The following MKI67 variants were observed in gnomAD, a reference collection of about 807,000 sequenced individuals.
MKI67 encodes proliferation marker protein Ki-67.
In MKI67, 152 loss-of-function variants were observed where a neutral mutation model predicts 233.5. That is an observed-to-expected ratio of 0.65 (90% CI 0.57 to 0.74). MKI67 has a LOEUF of 0.74. Ranked by LOEUF, MKI67 falls within the 30% of genes least tolerant of loss-of-function variation. The pLI is 0.00. For synonymous variants in MKI67, 1,465 were observed against 1,418.5 expected (o/e 1.03, Z -0.74); for missense variants, 3,940 against 3,885.2 (o/e 1.01, Z -0.37).
intron 4 of MKI67, among the ~76,000 whole-genome samples, chr10:128,121,313 C>T (rs893719283): frequency 3.4e-5 from 5 of 147,030 alleles, no homozygotes; most frequent in Admixed American, 2.8e-4. Context: ...TTGAATCTAA[C>T]GGGAGTGTGT....
At position 128,115,527 on chromosome 10, in the gene MKI67, G is replaced by T. The variant is rs1852783253; in HGVS notation, c.881C>A (p.Pro294Gln). Residue 294 changes from proline (P) to glutamine (Q), a missense_variant, in exon 7 of 15, where the codon CCA becomes CAA. Coordinates refer to ENST00000368654, the MANE Select transcript of MKI67 (RefSeq NM_002417.5). ...TQLLVSRKSR[P>Q]KSGGSGHAVA... ...AGCGTGGCCGCTCCCACCAGATTTTGGTCTTGACTTACGCGAGACCAACAG... is the reference window on the plus strand; with the variant it reads ...AGCGTGGCCGCTCCCACCAGATTTTTGTCTTGACTTACGCGAGACCAACAG... The T allele has an allele frequency of 6.2e-7, 1 of 1,614,182 alleles. No homozygotes were observed.
Position 128,102,864 on chromosome 10 carries a change from G to A in MKI67, c.8976C>T (p.Pro2992=). ...KSQSKSNTSL[P]PLPFKRGGGK... is the part of the protein sequence containing the mutation. ...CACCTCCCCTCTTGAAGGGCAGTGG[G>A]GGCAGGGAAGTGTTGCTTTTGCTTT... The change falls in exon 13 of 15, where the codon CCC becomes CCT. Residue 2992 remains proline (P), a synonymous_variant. Transcript: ENST00000368654. 1 of 1,614,152 alleles carries A rather than the reference G, an allele frequency of 6.2e-7. No homozygotes were observed. Among genetic ancestry groups the A allele is most frequent in the African/African-American group, 1.3e-5 (1 of 75,032 alleles).
Position 128,108,620 on chromosome 10 carries a change from G to A in MKI67, c.3220C>T (p.Gln1074Ter), listed in dbSNP as rs897237053. ...ACACGGGCTGCTGGGTCCAGGATCT[G>A]CTTTGGAGACTCCTTAAACGTTCTG... ...SIRTFKESPK[Q>*]ILDPAARVTG... The change falls in exon 13 of 15, where the codon CAG becomes TAG. Residue 1074 changes from glutamine to a stop codon, truncating the protein, a stop_gained. Coordinates refer to ENST00000368654, the MANE Select transcript of MKI67 (RefSeq NM_002417.5). LOFTEE classifies it high-confidence loss of function. 1.1e-5 allele frequency: 17 copies of A among 1,614,028 alleles called. No homozygotes were observed. The highest frequency in any genetic ancestry group is 1.4e-5 in the Non-Finnish European group (16 of 1,180,034).
At position 128,103,068 on chromosome 10, in the gene MKI67, G is replaced by A. The variant is rs1413585782; in HGVS notation, c.8772C>T (p.Leu2924=). 2 of 1,614,230 alleles carry A rather than the reference G, an allele frequency of 1.2e-6. No individual in the cohort carries two copies. The highest frequency in any genetic ancestry group is 2.7e-5 in the African/African-American group (2 of 75,064). ...PLEDLASFQE[L]SQTPGHTEEL... ...CCTCAGTGTGGCCTGGTGTTTGAGAGAGCTCTTGGAAGCTGGCCAGATCTT... is the reference window on the plus strand; with the variant it reads ...CCTCAGTGTGGCCTGGTGTTTGAGAAAGCTCTTGGAAGCTGGCCAGATCTT... Residue 2924 remains leucine (L), a synonymous_variant, in exon 13 of 15, where the codon CTC becomes CTT. Transcript: ENST00000368654.
rs373018735 is a variant in MKI67 at position 128,115,513 on chromosome 10, T to G, written c.895A>C (p.Ser299Arg). 1 of 1,614,108 alleles carries G rather than the reference T, an allele frequency of 6.2e-7. No homozygotes were observed. Among genetic ancestry groups the G allele is most frequent in the African/African-American group, 1.3e-5 (1 of 74,944 alleles). ...GCAGGCTCTGCCACAGCGTGGCCGCTCCCACCAGATTTTGGTCTTGACTTA... is the reference window on the plus strand; with the variant it reads ...GCAGGCTCTGCCACAGCGTGGCCGCGCCCACCAGATTTTGGTCTTGACTTA... The part of the protein sequence containing the change: ...SRKSRPKSGG[S>R]GHAVAEPASP... The change falls in exon 7 of 15, where the codon AGC (serine) becomes CGC (arginine). Residue 299 changes from serine to arginine, a missense_variant. Coordinates refer to ENST00000368654, the MANE Select transcript of MKI67 (RefSeq NM_002417.5).
chr10:128,125,619 C>G lies in MKI67; in HGVS notation c.49G>C (p.Gly17Arg), dbSNP rs1299335815. ...CTGAGGCTCAGGGGAAAGTGGGGAC[C>G]GTCGACCCCGCTCCTTTTGATAGTA... ...LVTIKRSGVDGPHFPLSLSTC... is the reference protein window; with the variant it reads ...LVTIKRSGVDRPHFPLSLSTC... Residue 17 changes from glycine (G) to arginine (R), a missense_variant, in exon 2 of 15, where the codon GGT (glycine) becomes CGT (arginine). Gly to Arg is a moderately radical substitution (Grantham distance 125). Coordinates refer to ENST00000368654, the MANE Select transcript of MKI67 (RefSeq NM_002417.5). The surrounding 1 kb of genome is among the most constrained non-coding windows in gnomAD (Gnocchi z 5.3). The G allele has an allele frequency of 3.7e-6, 6 of 1,613,590 alleles. No homozygotes were observed. Among genetic ancestry groups the G allele is most frequent in the Non-Finnish European group, 4.2e-6 (5 of 1,179,836 alleles).
In MKI67 at chr10:128,107,980, T is replaced by C; in HGVS notation, c.3860A>G (p.Asn1287Ser). The C allele has an allele frequency of 6.2e-7, 1 of 1,613,816 alleles. No homozygotes were observed. Among genetic ancestry groups the C allele is most frequent in the Middle Eastern group, 1.7e-4 (1 of 6,060 alleles). Residue 1287 changes from asparagine to serine, a missense_variant, in exon 13 of 15, where the codon AAT becomes AGT. Asn to Ser is a conservative substitution (Grantham distance 46). Coordinates refer to ENST00000368654, the MANE Select transcript of MKI67 (RefSeq NM_002417.5). ...GGCTTTGCCTGCTGATGGCATTAGA[T>C]TCCTGCACGCTAAGAGTTCTCCCTC... Reference protein sequence around the residue: ...DVEGELLACRNLMPSAGKAMH... With the variant: ...DVEGELLACRSLMPSAGKAMH...
intron 5 of MKI67, 117 bp from the exon 6 acceptor site, chr10:128,116,653 T>A (rs1852815963): frequency 3.0e-6 from 3 of 1,001,738 alleles, no homozygotes; most frequent in Non-Finnish European, 4.6e-6. Flanking sequence ...ATGCCTGTAA[T>A]CCCAGCACTT....
At position 128,102,703 on chromosome 10, in the gene MKI67, AC is replaced by A; in HGVS notation, c.9136del (p.Val3046SerfsTer3). The A allele has an allele frequency of 6.2e-7, 1 of 1,614,156 alleles. No homozygotes were observed. The highest frequency in any genetic ancestry group is 8.5e-7 in the Non-Finnish European group (1 of 1,180,022). ...RARGKSSEPV[V>X]IMKRSLRTSA... is the part of the protein sequence containing the mutation. ...AGTCCTCAAACTTCTCTTCATGATG[AC>A]CACGGGTTCGGATGATTTGCCTCTT... is the stretch of plus-strand genomic sequence containing the variant. On this transcript the variant is annotated frameshift_variant, in exon 13 of 15. Coordinates refer to ENST00000368654, the MANE Select transcript of MKI67 (RefSeq NM_002417.5). LOFTEE classifies it high-confidence loss of function.
chr10:128,117,245 G>C (rs377353304), intron 5 of MKI67, among the ~76,000 whole-genome samples: 18 of 152,232 alleles, frequency 1.2e-4, no homozygotes, highest in African/African-American at 4.3e-4. Flanking sequence ...TGCGTCATCA[G>C]TTTTCTCATA....
At position 128,115,610 on chromosome 10, in the gene MKI67, T is replaced by C; in HGVS notation, c.798A>G (p.Leu266=). ...CTTTCTCTGTTGCGTAATCAGTTTG[T>C]AATCCAGATTTTCTACAATACTGTA... The part of the protein sequence containing the change: ...NVLQYCRKSG[L]QTDYATEKES... The change falls in exon 7 of 15, where the codon TTA becomes TTG. Residue 266 remains leucine (L), a synonymous_variant. Transcript: ENST00000368654. The C allele has an allele frequency of 1.2e-6, 2 of 1,614,210 alleles. No individual in the cohort carries two copies. Among genetic ancestry groups the C allele is most frequent in the Non-Finnish European group, 1.7e-6 (2 of 1,180,022 alleles).
At chr10:128,121,330 G>C (rs902211980) in intron 4 of MKI67, among the ~76,000 whole-genome samples, 4 of 145,004 alleles carry the variant, frequency 2.8e-5, no homozygotes, top group Non-Finnish European at 3.0e-5. Context: ...GTGTGTATCT[G>C]TATATGTGTA....
At chr10:128,121,463 TATATATA>T (rs1298307900) in intron 4 of MKI67, among the ~76,000 whole-genome samples, 1 of 139,424 alleles carries the variant, frequency 7.2e-6, no homozygotes, top group African/African-American at 2.6e-5. Context: ...TACTATATGG[TATATATA>T]ATATATATTA....
rs1464740943 is a variant in MKI67, at chr10:128,103,444, T to C, written c.8396A>G (p.Asp2799Gly). ...APRESAQAIE[D>G]LAGFKDPAAG... ...TGCTGGGTCTTTGAAGCCAGCTAGG[T>C]CTTCTATGGCTTGGGCACTTTCCCT... The change falls in exon 13 of 15, where the codon GAC becomes GGC. Residue 2799 changes from aspartate to glycine, a missense_variant. Coordinates refer to ENST00000368654, the MANE Select transcript of MKI67 (RefSeq NM_002417.5). 13 of 1,613,666 alleles carry C rather than the reference T, an allele frequency of 8.1e-6. No homozygotes were observed. The highest frequency in any genetic ancestry group is 1.1e-5 in the Non-Finnish European group (13 of 1,179,926).
rs61729210 is a variant in MKI67 at position 128,115,760 on chromosome 10, T to A, written c.648A>T (p.Gly216=). 6.3e-5 allele frequency: 101 copies of A among 1,613,376 alleles called. No individual in the cohort carries two copies. The African/African-American group carries it at 1.3e-3, about 21-fold the overall frequency. The part of the protein sequence containing the change: ...ISSVKLVSRY[G]ELKSVPTTQC... ...GTGTAGTGGGAACAGACTTCAATTC[T>A]CCATAACGGCTCACTAATTTAACGC... The change falls in exon 7 of 15, where the codon GGA becomes GGT. Residue 216 remains glycine, a synonymous_variant. Transcript: ENST00000368654.
Position 128,106,868 on chromosome 10 carries a change from C to T in MKI67, c.4972G>A (p.Glu1658Lys). 6.2e-7 allele frequency: 1 copy of T among 1,613,888 alleles called. No homozygotes were observed. The highest frequency in any genetic ancestry group is 8.5e-7 in the Non-Finnish European group (1 of 1,179,954). ...AVGKLTQTSG[E>K]TTHTHTEPTG... ...GGCTCTGTGTGTGTGTGTGTAGTCTCTCCTGATGTCTGTGTGAGCTTGCCA... is the reference window on the plus strand; with the variant it reads ...GGCTCTGTGTGTGTGTGTGTAGTCTTTCCTGATGTCTGTGTGAGCTTGCCA... Residue 1658 changes from glutamate to lysine, a missense_variant, in exon 13 of 15, where the codon GAG (glutamate) becomes AAG (lysine). Coordinates refer to ENST00000368654, the MANE Select transcript of MKI67 (RefSeq NM_002417.5).
At chr10:128,113,330 C>T (rs1451788962) in intron 8 of MKI67, 97 bp downstream of exon 8, 9 of 1,294,518 alleles carry the variant, frequency 7.0e-6, no homozygotes, top group Non-Finnish European at 9.7e-6. Context: ...AAATAAAGGT[C>T]TTCATCATAA....
chr10:128,099,096 A>G lies in MKI67; in HGVS notation c.*94T>C. The G allele has an allele frequency of 1.0e-6, 1 of 954,062 alleles. No individual in the cohort carries two copies. Among genetic ancestry groups the G allele is most frequent in the Non-Finnish European group, 1.6e-6 (1 of 635,410 alleles). The allele number at this position is 954,062 out of a possible 1,614,324, so 59.1% of individuals were successfully genotyped here. On this transcript the variant is annotated 3_prime_UTR_variant, in exon 15 of 15. Coordinates refer to ENST00000368654, the MANE Select transcript of MKI67 (RefSeq NM_002417.5). ...TTCCCTTAAGCAGACTGACAGCCTT[A>G]CTTACAGAATTCACTTGTAATTTAT... is the stretch of plus-strand genomic sequence containing the variant.
Position 128,104,042 on chromosome 10 carries a change from T to G in MKI67, c.7798A>C (p.Thr2600Pro), listed in dbSNP as rs575819127. 3.7e-6 allele frequency: 6 copies of G among 1,614,126 alleles called. No homozygotes were observed. Among genetic ancestry groups the G allele is most frequent in the South Asian group, 1.1e-5 (1 of 91,090 alleles). Reference sequence around the variant, plus strand: ...GGACGTGTCTTGGGGCATCTCTTTGTGCTCGTGGCAGTGTCTGTTAGTTCT... The same window carrying G: ...GGACGTGTCTTGGGGCATCTCTTTGGGCTCGTGGCAGTGTCTGTTAGTTCT... ...PPELTDTATS[T>P]KRCPKTRPRK... is the part of the protein sequence containing the mutation. The change falls in exon 13 of 15, where the codon ACA becomes CCA. Residue 2600 changes from threonine (T) to proline (P), a missense_variant. Coordinates refer to ENST00000368654, the MANE Select transcript of MKI67 (RefSeq NM_002417.5).
Sources: allele counts gnomAD v4.1 joint callset (sites outside exome capture counted in the v4.1 genomes callset), GRCh38; gene constraint gnomAD v4.1.1; non-coding constraint Gnocchi (gnomAD v3.1); transcripts MANE v1.5; gene names NCBI Gene and HGNC (gene_info 2026-07-23, HGNC 2026-07-21).